The following IMPACT variants were observed in gnomAD, a reference collection of about 807,000 sequenced individuals.
The protein encoded by IMPACT is impact RWD domain protein.
A neutral mutation model predicts 47.5 loss-of-function variants in IMPACT; 35 were observed. The ratio of observed to expected loss-of-function variants is 0.74; its 90% confidence interval spans 0.56 to 0.98. The LOEUF is 0.98. Among genes scored for constraint, IMPACT ranks in the 50% least tolerant of loss-of-function variants. The probability of loss-of-function intolerance (pLI) is 0.00; values close to 1 mark genes in which losing one functional copy is unlikely to be tolerated. For missense variants in IMPACT, 373 were observed against 394.8 expected (o/e 0.94, Z 0.47); for synonymous variants, 118 against 125.6 (o/e 0.94, Z 0.40).
At chr18:24,427,704 G>A (rs1269405064) in intron 1 of IMPACT, 10 of 510,744 alleles carry the variant, frequency 2.0e-5, no homozygotes, top group Middle Eastern at 5.1e-4. Context: ...TAATGCAGTA[G>A]CAAGGCTGGC....
In IMPACT at chr18:24,443,124, A is replaced by G; in HGVS notation, c.566A>G (p.His189Arg). 1.9e-6 allele frequency: 3 copies of G among 1,604,762 alleles called. No individual in the cohort carries two copies. The highest frequency in any genetic ancestry group is 2.6e-6 in the Non-Finnish European group (3 of 1,173,046). ...ITDRRSTFQAHLAPVVCPKQV... is the reference protein window; with the variant it reads ...ITDRRSTFQARLAPVVCPKQV... ...GACCGAAGAAGTACTTTTCAGGCAC[A>G]CTTGGCTCCAGTGGTTTGTCCCAAA... Residue 189 changes from histidine (H) to arginine (R), a missense_variant, in exon 7 of 11, where the codon CAC becomes CGC. Physicochemically the swap from His to Arg is conservative, Grantham distance 29. Coordinates refer to ENST00000284202, the MANE Select transcript of IMPACT (RefSeq NM_018439.4).
intron 6 of IMPACT, among the ~76,000 whole-genome samples, chr18:24,442,007 A>G (rs1318020511): frequency 6.6e-6 from 1 of 152,234 alleles, no homozygotes; most frequent in Non-Finnish European, 1.5e-5. Context: ...AATTCAGGAA[A>G]AGAACAGTAT....
At chr18:24,435,742 G>A (rs1908914374) in intron 4 of IMPACT, among the ~76,000 whole-genome samples, 1 of 152,136 alleles carries the variant, frequency 6.6e-6, no homozygotes, top group South Asian at 2.1e-4. Context: ...GCAGTTAATC[G>A]GGTGTGTTGG....
intron 2 of IMPACT, among the ~76,000 whole-genome samples, chr18:24,428,373 G>A (rs1359872033): frequency 6.6e-6 from 1 of 152,238 alleles, no homozygotes; most frequent in African/African-American, 2.4e-5. Flanking sequence ...TAAAAGGAAA[G>A]AGAGGTTAGT....
chr18:24,447,863 A>T (rs1253808582), intron 8 of IMPACT, among the ~76,000 whole-genome samples: 2 of 152,214 alleles, frequency 1.3e-5, no homozygotes, highest in Non-Finnish European at 2.9e-5. Flanking sequence ...CATTTCTGAT[A>T]TAAAGGAGAT....
Position 24,449,840 on chromosome 18 carries a change from A to G in IMPACT, c.781A>G (p.Met261Val), listed in dbSNP as rs756315103. Residue 261 changes from methionine to valine, a missense_variant, in exon 10 of 11, where the codon ATG becomes GTG. Met to Val is a conservative substitution (Grantham distance 21). Transcript: ENST00000284202. Reference protein sequence around the residue: ...LMEILNVKNVMVVVSRWYGGI... With the variant: ...LMEILNVKNVVVVVSRWYGGI... ...ACAGATTTTGAATGTGAAGAATGTCATGGTGGTAGTATCACGCTGGTATGG... is the reference window on the plus strand; with the variant it reads ...ACAGATTTTGAATGTGAAGAATGTCGTGGTGGTAGTATCACGCTGGTATGG... The G allele has an allele frequency of 2.5e-6, 4 of 1,612,862 alleles. No homozygotes were observed. The highest frequency in any genetic ancestry group is 1.1e-5 in the South Asian group (1 of 91,036).
In IMPACT at chr18:24,443,061, A is replaced by G; in HGVS notation, c.503A>G (p.Glu168Gly). The change falls in exon 7 of 11, where the codon GAA (glutamate) becomes GGA (glycine). Residue 168 changes from glutamate (E) to glycine (G), a missense_variant. Transcript: ENST00000284202. The stretch of plus-strand genomic sequence containing the variant: ...TTTACATTTCTAGAAGTAGAAGTAG[A>G]AGAATTACCTCCGATTGATCATGGC... The part of the protein sequence containing the change: ...ISETRTEVEV[E>G]ELPPIDHGIP... 1 of 1,573,204 alleles carries G rather than the reference A, an allele frequency of 6.4e-7. No individual in the cohort carries two copies. Among genetic ancestry groups the G allele is most frequent in the Non-Finnish European group, 8.7e-7 (1 of 1,150,662 alleles).
chr18:24,445,775 A>T (rs552765054), intron 8 of IMPACT, among the ~76,000 whole-genome samples: 160 of 152,172 alleles, frequency 1.1e-3, no homozygotes, highest in Non-Finnish European at 2.1e-3. Flanking sequence ...GCACTTTTTC[A>T]TATTGTTATA....
At chr18:24,427,019 T>G (rs1599759519) in intron 1 of IMPACT, 1 of 391,966 alleles carries the variant, frequency 2.6e-6, no homozygotes, top group Admixed American at 4.5e-5. Context: ...TCTCGGACGG[T>G]GTCCTCGTCA....
intron 2 of IMPACT, 110 bp from the exon 3 acceptor site, chr18:24,428,759 C>T: frequency 2.8e-6 from 2 of 720,636 alleles, no homozygotes; most frequent in Non-Finnish European, 4.6e-6. Flanking sequence ...TTTCCTTTTC[C>T]TTTCATCTCT....
At chr18:24,436,891 A>G (rs183397911) in intron 4 of IMPACT, among the ~76,000 whole-genome samples, 1 of 152,318 alleles carries the variant, frequency 6.6e-6, no homozygotes, top group East Asian at 1.9e-4. Flanking sequence ...AATATTGAAA[A>G]TTAGGTGACA....
chr18:24,446,537 A>G (rs1909253501), intron 8 of IMPACT, among the ~76,000 whole-genome samples: 2 of 152,212 alleles, frequency 1.3e-5, no homozygotes, highest in Admixed American at 6.5e-5. Context: ...TACATAGTTT[A>G]GGCCTAAAAT....
chr18:24,442,095 A>G (rs1485473910), intron 6 of IMPACT, among the ~76,000 whole-genome samples: 1 of 151,264 alleles, frequency 6.6e-6, no homozygotes, highest in Admixed American at 6.6e-5. Context: ...TGAGGCAGGT[A>G]GTAGTAGCCA....
Position 24,428,880 on chromosome 18 carries a change from G to A in IMPACT, c.177G>A (p.Pro59=), listed in dbSNP as rs771256578. ...AACCTGCATTGTAGGTGATGCTGCC[G>A]AATGAATACCCAGGTACAGCTCCAC... ...KWTLCLQVML[P]NEYPGTAPPI... The change falls in exon 3 of 11, where the codon CCG becomes CCA. Residue 59 remains proline (P), a synonymous_variant. Transcript: ENST00000284202. 11 of 1,611,522 alleles carry A rather than the reference G, an allele frequency of 6.8e-6. No individual in the cohort carries two copies. The highest frequency in any genetic ancestry group is 6.7e-5 in the Admixed American group (4 of 59,600).
chr18:24,443,939 ATTTACTGCAGG>A (rs1226872508), intron 7 of IMPACT, among the ~76,000 whole-genome samples: 2 of 152,162 alleles, frequency 1.3e-5, no homozygotes, highest in East Asian at 3.9e-4. Context: ...AAAATGTCTC[ATTTACTGCAGG>A]TTTTAGGCAT....
chr18:24,450,655 A>G (rs1000049170), intron 10 of IMPACT, 124 bp from the exon 11 acceptor site: 5 of 609,400 alleles, frequency 8.2e-6, no homozygotes, highest in Admixed American at 6.4e-5. Context: ...ACATATATAC[A>G]TACATACATA....
chr18:24,451,038 G>GC lies in IMPACT; in HGVS notation c.*191_*192insC. ...TAGAGAACTTATGATCTATTCATGT[G>GC]TGTTTCAGGCTTATTTGGGAGAACT... On this transcript the variant is annotated 3_prime_UTR_variant, in exon 11 of 11. Coordinates refer to ENST00000284202, the MANE Select transcript of IMPACT (RefSeq NM_018439.4). 1 of 427,046 alleles carries GC rather than the reference G, an allele frequency of 2.3e-6. No homozygotes were observed. The allele number at this position is 427,046 out of a possible 1,614,324, so 26.5% of individuals were successfully genotyped here. A position where few individuals can be genotyped will look rare whatever the true frequency, so the allele number is the denominator to read the frequency against.
chr18:24,442,700 G>A (rs1313481227), intron 6 of IMPACT, among the ~76,000 whole-genome samples: 1 of 152,062 alleles, frequency 6.6e-6, no homozygotes, highest in Non-Finnish European at 1.5e-5. Context: ...TAAATCTTTG[G>A]TTTCAGGACT....
intron 2 of IMPACT, among the ~76,000 whole-genome samples, chr18:24,428,570 T>C (rs1171297853): frequency 6.6e-6 from 1 of 152,232 alleles, no homozygotes; most frequent in Admixed American, 6.5e-5. Context: ...TGCCAGTGTT[T>C]GTTTTTATAA....
Sources: gnomAD v4.1 joint callset for allele counts (sites outside exome capture counted in the v4.1 genomes callset) on GRCh38, gnomAD v4.1.1 for gene constraint, MANE v1.5 for transcripts, NCBI Gene and HGNC (gene_info 2026-07-23, HGNC 2026-07-21) for gene names.